Variants in AFF1 observed in about 807,000 individuals in gnomAD.
The protein encoded by AFF1 is ALF transcription elongation factor 1.
A neutral mutation model predicts 121.7 loss-of-function variants in AFF1; 48 were observed. That is an observed-to-expected ratio of 0.39 (90% CI 0.31 to 0.50). The LOEUF is 0.50. Among genes scored for constraint, AFF1 ranks in the 20% least tolerant of loss-of-function variants. The pLI, the probability that AFF1 is intolerant of heterozygous loss-of-function variation, is 0.76. For synonymous variants in AFF1, 613 were observed against 563.0 expected (o/e 1.09, Z -1.26); for missense variants, 1,523 against 1,511.7 (o/e 1.01, Z -0.12).
At chr4:86,956,581 T>G (rs1204752666) in intron 2 of AFF1, among the ~76,000 whole-genome samples, 1 of 152,208 alleles carries the variant, frequency 6.6e-6, no homozygotes, top group Non-Finnish European at 1.5e-5. Context: ...ACTACCTGTT[T>G]ACAGTTAATC....
intron 1 of AFF1, among the ~76,000 whole-genome samples, chr4:86,948,044 A>G (rs947493959): frequency 3.4e-5 from 5 of 148,166 alleles, no homozygotes; most frequent in South Asian, 2.1e-4. Context: ...AACTAAGTCT[A>G]CATTTCTTGG....
chr4:86,939,257 G>A (rs1720279912), intron 1 of AFF1, among the ~76,000 whole-genome samples: 1 of 150,662 alleles, frequency 6.6e-6, no homozygotes, highest in African/African-American at 2.4e-5. Flanking sequence ...TTTAAAATCA[G>A]GAAATTGAGT....
intron 2 of AFF1, among the ~76,000 whole-genome samples, chr4:86,957,649 TCTC>T (rs1721838767): frequency 6.6e-6 from 1 of 152,106 alleles, no homozygotes; most frequent in Non-Finnish European, 1.5e-5. Flanking sequence ...TTCAAGCAAT[TCTC>T]CTGCCCCAGC....
At chr4:87,088,262 G>A (rs906929557) in intron 5 of AFF1, among the ~76,000 whole-genome samples, 5 of 152,216 alleles carry the variant, frequency 3.3e-5, no homozygotes, top group African/African-American at 1.2e-4. Context: ...CAGATGGCCA[G>A]TCAGTAAACA....
chr4:87,052,060 G>A (rs1006813123), intron 4 of AFF1, among the ~76,000 whole-genome samples: 2 of 152,116 alleles, frequency 1.3e-5, no homozygotes, highest in African/African-American at 4.8e-5. Context: ...GGATGAACAT[G>A]CGTCAGTCAT....
At chr4:87,092,251 C>T (rs1383428907) in intron 7 of AFF1, among the ~76,000 whole-genome samples, 4 of 152,164 alleles carry the variant, frequency 2.6e-5, no homozygotes, top group Non-Finnish European at 4.4e-5. Flanking sequence ...GCACTGCACT[C>T]CAGCCTGGGA....
chr4:86,940,477 C>T (rs1720372673), intron 1 of AFF1, among the ~76,000 whole-genome samples: 1 of 152,204 alleles, frequency 6.6e-6, no homozygotes, highest in Admixed American at 6.5e-5. Flanking sequence ...TCTTGTCTCA[C>T]TGCAACCTTC....
rs551266107 is a variant in AFF1 at position 87,127,007 on chromosome 4, A to G, written c.2812-19A>G. On this transcript the variant is annotated intron_variant, in intron 14 of 20. Coordinates refer to ENST00000395146, the MANE Select transcript of AFF1 (RefSeq NM_001166693.3). ...TTAAATGTTAGAGTGTAATCTGTAT[A>G]TTGATTTTTTTTTTGAAGGGTTCTT... is the stretch of plus-strand genomic sequence containing the variant. The G allele has an allele frequency of 4.4e-6, 7 of 1,595,998 alleles. No individual in the cohort carries two copies. Among genetic ancestry groups the G allele is most frequent in the Admixed American group, 3.4e-5 (2 of 58,900 alleles).
chr4:86,983,546 A>T (rs1042077923), intron 2 of AFF1, among the ~76,000 whole-genome samples: 11 of 151,950 alleles, frequency 7.2e-5, no homozygotes, highest in African/African-American at 2.7e-4. Flanking sequence ...TAAAAAAATT[A>T]AAAAATAAAA....
intron 4 of AFF1, among the ~76,000 whole-genome samples, chr4:87,050,568 GTCT>G (rs1222660868): frequency 5.3e-5 from 8 of 152,084 alleles, no homozygotes; most frequent in Non-Finnish European, 1.2e-4. Flanking sequence ...AAAACTCATA[GTCT>G]TCTCTGGGAT....
chr4:87,040,565 T>TG (rs547359076), intron 2 of AFF1, among the ~76,000 whole-genome samples: 1 of 73,948 alleles, frequency 1.4e-5, no homozygotes, highest in Non-Finnish European at 2.5e-5. Context: ...CCCCTCACCC[T>TG]TTTTTTTTTT....
chr4:87,123,037 G>A (rs1665954466), intron 12 of AFF1, among the ~76,000 whole-genome samples: 1 of 151,992 alleles, frequency 6.6e-6, no homozygotes, highest in African/African-American at 2.4e-5. Context: ...GGGACTACAG[G>A]CACGCACCAC....
intron 7 of AFF1, 129 bp from the exon 8 acceptor site, chr4:87,094,786 T>C (rs1724661953): frequency 2.4e-6 from 2 of 825,912 alleles, no homozygotes; most frequent in East Asian, 5.3e-5. Context: ...AATGTCATCT[T>C]ATAATGCTAA....
At chr4:87,089,076 G>T (rs1305667714) in intron 5 of AFF1, among the ~76,000 whole-genome samples, 1 of 152,106 alleles carries the variant, frequency 6.6e-6, no homozygotes, top group Non-Finnish European at 1.5e-5. Context: ...TGCCGGGCAG[G>T]TCTGACACAT....
In AFF1 at chr4:87,115,411, T is replaced by A. The variant is rs530679883; in HGVS notation, c.2466+112T>A. On this transcript the variant is annotated intron_variant, in intron 12 of 20. Transcript: ENST00000395146. ...CCCAGTTGAGTTGTCTCACAAGTCTTTGCTTTGATTCGCTGTAGCCTTTGC... is the reference window on the plus strand; with the variant it reads ...CCCAGTTGAGTTGTCTCACAAGTCTATGCTTTGATTCGCTGTAGCCTTTGC... The A allele has an allele frequency of 3.5e-4, 398 of 1,130,314 alleles. No individual in the cohort carries two copies. The Middle Eastern group carries it at 7.3e-3, about 21-fold the overall frequency. 70.0% of individuals were successfully genotyped at this position (1,130,314 alleles called of 1,614,324 possible).
chr4:86,939,942 TTC>T (rs1236784914), intron 1 of AFF1, among the ~76,000 whole-genome samples: 1 of 152,210 alleles, frequency 6.6e-6, no homozygotes, highest in African/African-American at 2.4e-5. Flanking sequence ...TTAAAAAGGT[TTC>T]TGAGTCAGAC....
intron 2 of AFF1, among the ~76,000 whole-genome samples, chr4:87,044,775 A>G (rs1370593457): frequency 1.3e-5 from 2 of 152,188 alleles, no homozygotes; most frequent in Admixed American, 1.3e-4. Context: ...TTAGAGCAAG[A>G]GGCTGCCTTA....
intron 2 of AFF1, among the ~76,000 whole-genome samples, chr4:86,958,394 A>G (rs150710017): frequency 0.02 from 3,076 of 151,864 alleles, 47 homozygotes; most frequent in Non-Finnish European, 0.032. Context: ...CCCGGCCCCA[A>G]ACTTTCTAGA....
At chr4:86,938,609 A>G (rs986727248) in intron 1 of AFF1, among the ~76,000 whole-genome samples, 11 of 151,868 alleles carry the variant, frequency 7.2e-5, no homozygotes, top group African/African-American at 2.7e-4. Context: ...AAGACACAGT[A>G]GAAGCTTATT....
Sources: gnomAD v4.1 joint callset for allele counts (sites outside exome capture counted in the v4.1 genomes callset) on GRCh38, gnomAD v4.1.1 for gene constraint, MANE v1.5 for transcripts, NCBI Gene and HGNC (gene_info 2026-07-23, HGNC 2026-07-21) for gene names.